Variants in LONRF1 observed in about 807,000 individuals in gnomAD.
LONRF1 encodes the protein LON peptidase N-terminal domain and ring finger 1.
Under a neutral mutation model 85.8 loss-of-function variants are expected in LONRF1, and 37 were observed. The ratio of observed to expected loss-of-function variants is 0.43; its 90% CI spans 0.33 to 0.57. The LOEUF (loss-of-function observed/expected upper bound fraction) is 0.57. Among genes scored for constraint, LONRF1 ranks in the 20% least tolerant of loss-of-function variants. The pLI, the probability that LONRF1 is intolerant of heterozygous loss-of-function variation, is 0.04. For missense variants in LONRF1, 1,036 were observed against 978.0 expected (o/e 1.06, Z -0.79); for synonymous variants, 517 against 390.1 (o/e 1.33, Z -3.83).
chr8:12,731,598 T>G, intron 8 of LONRF1, 138 bp downstream of exon 8: 1 of 661,228 alleles, frequency 1.5e-6, no homozygotes, highest in Non-Finnish European at 2.5e-6. Context: ...AGATTCTGTC[T>G]GTTGAGGACC....
intron 4 of LONRF1, chr8:12,737,379 C>G (rs1798760751): frequency 1.5e-6 from 1 of 666,028 alleles, no homozygotes; most frequent in Admixed American, 2.1e-5. Context: ...AGAAAATATT[C>G]TAAAAAAAAG....
Position 12,729,123 on chromosome 8 carries a change from T to C in LONRF1, c.1847+51A>G, listed in dbSNP as rs780434934. 3 of 1,610,176 alleles carry C rather than the reference T, an allele frequency of 1.9e-6. No individual in the cohort carries two copies. In the Admixed American group the frequency reaches 5.0e-5, roughly 27 times the overall value. ...ACATAAACATGCAAGTTCTCATCCA[T>C]ATTGAGAGGTCTAACATAAATACAA... is the stretch of plus-strand genomic sequence containing the variant. On this transcript the variant is annotated intron_variant, in intron 9 of 11. Coordinates refer to ENST00000398246, the MANE Select transcript of LONRF1 (RefSeq NM_152271.5).
Position 12,743,386 on chromosome 8 carries a change from G to T in LONRF1, c.722-104C>A, listed in dbSNP as rs1229374793. ...TAAGAAATGACTTAGTGATTCCAGG[G>T]TTAATAATCACCAAACTAAAGTCTA... On this transcript the variant is annotated intron_variant, in intron 1 of 11. Coordinates refer to ENST00000398246, the MANE Select transcript of LONRF1 (RefSeq NM_152271.5). 4.0e-6 allele frequency: 3 copies of T among 751,386 alleles called. No individual in the cohort carries two copies. In the East Asian group the frequency reaches 8.4e-5, roughly 21 times the overall value. 46.5% of individuals were successfully genotyped at this position (751,386 alleles called of 1,614,324 possible). A position where few individuals can be genotyped will look rare whatever the true frequency, so the allele number is the denominator to read the frequency against.
chr8:12,723,194 G>A lies in LONRF1; in HGVS notation c.2224C>T (p.Arg742Ter), dbSNP rs772128402. ...WLLAVLPVDP[R>*]YQLSVLSMKS... ...ATTGACAAAACCGACAGCTGGTATC[G>A]TGGGTCTACAGGGAGAACTGCAAGA... The change falls in exon 12 of 12, where the codon CGA (arginine) becomes TGA (stop). Residue 742 changes from arginine (R) to a stop codon, truncating the protein, a stop_gained. Transcript: ENST00000398246. LOFTEE classifies it high-confidence loss of function. 1 of 1,614,128 alleles carries A rather than the reference G, an allele frequency of 6.2e-7. No homozygotes were observed. The highest frequency in any genetic ancestry group is 8.5e-7 in the Non-Finnish European group (1 of 1,179,996).
At chr8:12,725,602 G>C (rs1798266285) in intron 11 of LONRF1, 125 bp downstream of exon 11, 2 of 863,842 alleles carry the variant, frequency 2.3e-6, no homozygotes, top group East Asian at 5.1e-5. Context: ...GGTGGGGCTG[G>C]TGCGGGGGAG....
At chr8:12,749,469 C>T (rs1051966933) in intron 1 of LONRF1, among the ~76,000 whole-genome samples, 8 of 152,172 alleles carry the variant, frequency 5.3e-5, no homozygotes, top group Non-Finnish European at 7.4e-5. Context: ...AGAGGCAGAA[C>T]ACTATACAAA....
At chr8:12,725,272 G>C (rs1157760006) in intron 11 of LONRF1, among the ~76,000 whole-genome samples, 1 of 152,122 alleles carries the variant, frequency 6.6e-6, no homozygotes, top group Non-Finnish European at 1.5e-5. Flanking sequence ...GAAGTGGTTG[G>C]GTCAAATGTT....
chr8:12,746,900 C>G (rs9325792), intron 1 of LONRF1, among the ~76,000 whole-genome samples: 123,051 of 152,222 alleles, frequency 0.81, 50,272 homozygotes, highest in East Asian at 0.94. Context: ...GTAAGTTAAT[C>G]GGTGCATAGT....
chr8:12,730,078 T>G (rs936681285), intron 8 of LONRF1, among the ~76,000 whole-genome samples: 3 of 152,210 alleles, frequency 2.0e-5, no homozygotes, highest in Non-Finnish European at 2.9e-5. Flanking sequence ...AGCAGGCAAG[T>G]GCTATATGAA....
intron 1 of LONRF1, among the ~76,000 whole-genome samples, chr8:12,747,866 G>T (rs540251567): frequency 6.6e-6 from 1 of 152,136 alleles, no homozygotes; most frequent in South Asian, 2.1e-4. Flanking sequence ...TGTCTGGTCT[G>T]CTGGTGCCTA....
chr8:12,752,306 T>C (rs1024221802), intron 1 of LONRF1, among the ~76,000 whole-genome samples: 8 of 152,232 alleles, frequency 5.3e-5, no homozygotes, highest in African/African-American at 1.9e-4. Context: ...ACTGTACTAG[T>C]TAACATTTTG....
At chr8:12,752,348 A>T (rs1243722995) in intron 1 of LONRF1, among the ~76,000 whole-genome samples, 1 of 152,226 alleles carries the variant, frequency 6.6e-6, no homozygotes, top group Non-Finnish European at 1.5e-5. Flanking sequence ...GACACTTATA[A>T]ATCGGCCCTT....
intron 3 of LONRF1, among the ~76,000 whole-genome samples, chr8:12,739,343 A>T (rs1798840680): frequency 4.3e-4 from 1 of 2,326 alleles, no homozygotes; most frequent in African/African-American, 5.7e-4. Flanking sequence ...ATGTTCAGCA[A>T]AAAAAAAAAA....
chr8:12,729,423 G>T, intron 8 of LONRF1, 91 bp from the exon 9 acceptor site: 1 of 1,282,076 alleles, frequency 7.8e-7, no homozygotes, highest in Non-Finnish European at 1.1e-6. Flanking sequence ...TAACAGTAAT[G>T]AACTAATGTA....
At chr8:12,735,480 C>T in intron 6 of LONRF1, 80 bp from the exon 7 acceptor site, 1 of 880,244 alleles carries the variant, frequency 1.1e-6, no homozygotes, top group Non-Finnish European at 1.8e-6. Context: ...AACCATAACA[C>T]TAATCTCTAT....
At chr8:12,724,558 C>T (rs994004745) in intron 11 of LONRF1, among the ~76,000 whole-genome samples, 10 of 152,102 alleles carry the variant, frequency 6.6e-5, no homozygotes, top group Non-Finnish European at 7.4e-5. Flanking sequence ...GGGAAAATGA[C>T]GGGTGGTTGC....
Position 12,729,303 on chromosome 8 carries a change from C to G in LONRF1, c.1718G>C (p.Cys573Ser). Reference protein sequence around the residue: ...HLTKNVPIFVCTMAYPTVPCP... With the variant: ...HLTKNVPIFVSTMAYPTVPCP... ...AGGCACAGTGGGGTAGGCCATAGTGCAAACAAATATTGGAACATTCTTGGT... is the reference window on the plus strand; with the variant it reads ...AGGCACAGTGGGGTAGGCCATAGTGGAAACAAATATTGGAACATTCTTGGT... The change falls in exon 9 of 12, where the codon TGC becomes TCC. Residue 573 changes from cysteine (C) to serine (S), a missense_variant. Physicochemically the swap from Cys to Ser is moderately radical, Grantham distance 112. Coordinates refer to ENST00000398246, the MANE Select transcript of LONRF1 (RefSeq NM_152271.5). 6.2e-7 allele frequency: 1 copy of G among 1,613,672 alleles called. No homozygotes were observed.
At chr8:12,727,781 C>T (rs1798376805) in intron 10 of LONRF1, among the ~76,000 whole-genome samples, 1 of 152,172 alleles carries the variant, frequency 6.6e-6, no homozygotes, top group Non-Finnish European at 1.5e-5. Context: ...AAAATTTCAA[C>T]TCACACAATA....
In LONRF1 at chr8:12,736,880, G is replaced by GT; in HGVS notation, c.1354+19dup. ...GACTAAATAAATTTATTTTATATAA[G>GT]TGTAGAGCAAAATTTTTACCTCCTT... On this transcript the variant is annotated intron_variant, in intron 5 of 11. Transcript: ENST00000398246. The GT allele has an allele frequency of 6.3e-7, 1 of 1,593,808 alleles. No individual in the cohort carries two copies.
Sources: gnomAD v4.1 joint callset for allele counts (sites outside exome capture counted in the v4.1 genomes callset) on GRCh38, gnomAD v4.1.1 for gene constraint, MANE v1.5 for transcripts, NCBI Gene and HGNC (gene_info 2026-07-23, HGNC 2026-07-21) for gene names.